Variants in NTRK2 observed in about 807,000 individuals in gnomAD.
The protein encoded by NTRK2 is BDNF/NT-3 growth factors receptor.
Under a neutral mutation model 94.5 loss-of-function variants are expected in NTRK2, and 13 were observed. The ratio of observed to expected loss-of-function variants is 0.14; its 90% CI spans 0.09 to 0.22. NTRK2 has a LOEUF of 0.22. Ranked by LOEUF, NTRK2 falls within the 10% of genes least tolerant of loss-of-function variation. The pLI is 1.00. For synonymous variants in NTRK2, 372 were observed against 407.4 expected, an observed-to-expected ratio of 0.91 and a Z score of 1.05; for missense variants, 639 against 1,071.2, an observed-to-expected ratio of 0.60 and a Z score of 5.63.
intron 14 of NTRK2, among the ~76,000 whole-genome samples, chr9:84,920,257 T>C (rs539965240): frequency 6.6e-6 from 1 of 152,318 alleles, no homozygotes; most frequent in African/African-American, 2.4e-5. Context: ...TAGTCTTAGG[T>C]TGGGGGACCC....
At chr9:84,797,552 T>TTATATATAC (rs1381562235) in intron 12 of NTRK2, among the ~76,000 whole-genome samples, 1,211 of 61,084 alleles carry the variant, frequency 0.02, 125 homozygotes, top group African/African-American at 0.071. Flanking sequence ...AATATATATA[T>TTATATATAC]TATATATACT....
chr9:84,842,684 G>A (rs940336807), intron 12 of NTRK2, among the ~76,000 whole-genome samples: 1 of 152,152 alleles, frequency 6.6e-6, no homozygotes, highest in Admixed American at 6.5e-5. Flanking sequence ...TATGACCATT[G>A]GAACCTCACC....
chr9:84,848,857 A>G (rs534699189), intron 12 of NTRK2, among the ~76,000 whole-genome samples: 29 of 152,342 alleles, frequency 1.9e-4, no homozygotes, highest in African/African-American at 7.0e-4. Flanking sequence ...TGGCAAAAAT[A>G]TGAGACATCA....
intron 17 of NTRK2, among the ~76,000 whole-genome samples, chr9:84,958,501 A>G (rs112055469): frequency 6.6e-6 from 1 of 152,226 alleles, no homozygotes; most frequent in Admixed American, 6.5e-5. Flanking sequence ...TATTTGTTAC[A>G]TGATCTTGGA....
intron 12 of NTRK2, among the ~76,000 whole-genome samples, chr9:84,846,024 G>C (rs548686453): frequency 6.6e-6 from 1 of 152,044 alleles, no homozygotes; most frequent in Non-Finnish European, 1.5e-5. Flanking sequence ...CCCAAAAATG[G>C]CTCTTATAAT....
chr9:84,782,303 A>G (rs1290697679), intron 12 of NTRK2, among the ~76,000 whole-genome samples: 11 of 152,192 alleles, frequency 7.2e-5, no homozygotes, highest in African/African-American at 2.7e-4. Flanking sequence ...TCTAATTCTC[A>G]GAAAACTTTG....
In NTRK2 at chr9:84,955,790, C is replaced by T. The variant is rs7046509; in HGVS notation, c.2172+273C>T. On this transcript the variant is annotated intron_variant, in intron 17 of 18. Coordinates refer to ENST00000277120, the MANE Select transcript of NTRK2 (RefSeq NM_006180.6). ...TGACAACCCAATCCTTCCCTTTAGG[C>T]CTAAATTTCTTCTTTTAAGGACACC... Among the ~76,000 whole-genome samples, 13,993 of 152,218 alleles carry T rather than the reference C, an allele frequency of 0.092. 753 individuals carry two copies. The highest frequency in any genetic ancestry group is 0.14 in the African/African-American group (5,616 of 41,506).
At chr9:84,940,839 C>A (rs992574196) in intron 15 of NTRK2, among the ~76,000 whole-genome samples, 1 of 151,914 alleles carries the variant, frequency 6.6e-6, no homozygotes, top group East Asian at 1.9e-4. Context: ...TTCATTATTT[C>A]TTTTTATTTT....
chr9:84,837,057 A>G (rs1175625436), intron 12 of NTRK2, among the ~76,000 whole-genome samples: 1 of 151,438 alleles, frequency 6.6e-6, no homozygotes, highest in Non-Finnish European at 1.5e-5. Context: ...AATTCCTGGC[A>G]CAGAGTAGGC....
chr9:84,837,647 A>G (rs192564731), intron 12 of NTRK2, among the ~76,000 whole-genome samples: 16 of 152,196 alleles, frequency 1.1e-4, no homozygotes, highest in Non-Finnish European at 2.2e-4. Flanking sequence ...ATAACCCACT[A>G]ATCAAAGAAT....
intron 4 of NTRK2, among the ~76,000 whole-genome samples, chr9:84,703,362 T>C (rs1306626508): frequency 6.6e-6 from 1 of 152,216 alleles, no homozygotes; most frequent in East Asian, 1.9e-4. Context: ...GCACATTTCA[T>C]AGATAAAATA....
intron 17 of NTRK2, among the ~76,000 whole-genome samples, chr9:84,957,170 A>T (rs1029728111): frequency 7.9e-5 from 12 of 152,162 alleles, no homozygotes; most frequent in African/African-American, 2.9e-4. Flanking sequence ...CTTGGTGAGC[A>T]CCCAAGGGAG....
At chr9:84,755,337 G>C (rs2064986747) in intron 12 of NTRK2, among the ~76,000 whole-genome samples, 1 of 152,082 alleles carries the variant, frequency 6.6e-6, no homozygotes, top group African/African-American at 2.4e-5. Context: ...TTTATCTACT[G>C]AGTGCCTAGC....
chr9:84,887,143 G>A (rs79458219), intron 14 of NTRK2, among the ~76,000 whole-genome samples: 10 of 150,778 alleles, frequency 6.6e-5, no homozygotes, highest in African/African-American at 2.4e-4. Context: ...CGAAAAAAAA[G>A]AAATCAATGA....
intron 14 of NTRK2, among the ~76,000 whole-genome samples, chr9:84,870,722 GAGA>G (rs1230579658): frequency 6.6e-6 from 1 of 152,012 alleles, no homozygotes; most frequent in Non-Finnish European, 1.5e-5. Context: ...AAAAACATTT[GAGA>G]AGATCTCAGA....
In NTRK2 at chr9:85,024,804, G is replaced by C. The variant is rs559651793; in HGVS notation, c.*3367G>C. On this transcript the variant is annotated 3_prime_UTR_variant, in exon 19 of 19. Transcript: ENST00000277120. ...TACACTGAACCAATGTCATAATCAG[G>C]CTTATTTAGAAAACACTTTGAACTA... 9 of 232,874 alleles carry C rather than the reference G, an allele frequency of 3.9e-5. No homozygotes were observed. The South Asian group carries it at 1.6e-3, about 42-fold the overall frequency. 14.4% of individuals were successfully genotyped at this position (232,874 alleles called of 1,614,324 possible).
chr9:84,676,892 G>T (rs1351735474), intron 2 of NTRK2, among the ~76,000 whole-genome samples: 2 of 152,118 alleles, frequency 1.3e-5, no homozygotes, highest in African/African-American at 2.4e-5. Flanking sequence ...ATGAGCTACT[G>T]ATCTGAAAGC....
At chr9:84,908,808 C>T (rs1018384682) in intron 14 of NTRK2, among the ~76,000 whole-genome samples, 18 of 152,090 alleles carry the variant, frequency 1.2e-4, no homozygotes, top group African/African-American at 3.6e-4. Context: ...GTCCTTTGTC[C>T]GTATTAAAAA....
chr9:84,901,468 G>A (rs189226620), intron 14 of NTRK2, among the ~76,000 whole-genome samples: 1 of 151,946 alleles, frequency 6.6e-6, no homozygotes, highest in Non-Finnish European at 1.5e-5. Context: ...TCCTGACCTC[G>A]TGATCTGCCT....
Sources: allele counts gnomAD v4.1 joint callset (sites outside exome capture counted in the v4.1 genomes callset), GRCh38; gene constraint gnomAD v4.1.1; transcripts MANE v1.5; gene names NCBI Gene and HGNC (gene_info 2026-07-23, HGNC 2026-07-21).